Variants in ARHGAP15 observed in about 807,000 individuals in gnomAD.
ARHGAP15 encodes Rho GTPase activating protein 15, also known as rho GTPase-activating protein 15.
In ARHGAP15, 51 loss-of-function variants were observed where a neutral mutation model predicts 63.7. The observed-to-expected ratio is 0.80, with a 90% CI of 0.64 to 1.01. ARHGAP15 has a LOEUF of 1.01. ARHGAP15 is among the 50% of genes least tolerant of loss of function. The pLI is 0.00. For missense variants in ARHGAP15, 560 were observed against 564.6 expected, an observed-to-expected ratio of 0.99 and a Z score of 0.08; for synonymous variants, 191 against 193.8, an observed-to-expected ratio of 0.99 and a Z score of 0.12.
intron 13 of ARHGAP15, among the ~76,000 whole-genome samples, chr2:143,734,896 T>C (rs1378107008): frequency 6.6e-6 from 1 of 152,112 alleles, no homozygotes; most frequent in Non-Finnish European, 1.5e-5. Flanking sequence ...TGGTGGGGGG[T>C]ATTCCTCCTG....
At chr2:143,554,838 G>C (rs781448543) in intron 10 of ARHGAP15, among the ~76,000 whole-genome samples, 1 of 152,054 alleles carries the variant, frequency 6.6e-6, no homozygotes, top group Non-Finnish European at 1.5e-5. Context: ...TAGATTAATG[G>C]AGGTAATTTG....
chr2:143,615,374 A>G (rs147777220), intron 11 of ARHGAP15, among the ~76,000 whole-genome samples: 175 of 152,308 alleles, frequency 1.1e-3, no homozygotes, highest in African/African-American at 3.9e-3. Context: ...ATCCTTTTCA[A>G]TGTTACCATT....
At chr2:143,136,598 C>A (rs1375458029) in intron 1 of ARHGAP15, among the ~76,000 whole-genome samples, 1 of 152,018 alleles carries the variant, frequency 6.6e-6, no homozygotes, top group Non-Finnish European at 1.5e-5. Context: ...GACTCCTGTG[C>A]TGTAATTTGT....
chr2:143,164,662 A>T (rs1049363226), intron 2 of ARHGAP15, among the ~76,000 whole-genome samples: 1 of 152,022 alleles, frequency 6.6e-6, no homozygotes, highest in Non-Finnish European at 1.5e-5. Flanking sequence ...AAATTCAGTT[A>T]CTTGATTTTT....
intron 12 of ARHGAP15, among the ~76,000 whole-genome samples, chr2:143,701,045 ATAT>A (rs1213330137): frequency 1.3e-5 from 2 of 151,960 alleles, no homozygotes; most frequent in Non-Finnish European, 2.9e-5. Flanking sequence ...TGTCCAAGCC[ATAT>A]TATGTTGGAA....
chr2:143,235,855 C>A, intron 5 of ARHGAP15: 5 of 1,412,174 alleles, frequency 3.5e-6, no homozygotes, highest in Non-Finnish European at 4.7e-6. Context: ...GGTACACTTT[C>A]CTATTTTAGT....
At position 143,435,708 on chromosome 2, in the gene ARHGAP15, T is replaced by C. The variant is rs1225460799; in HGVS notation, c.573+9T>C. 6.2e-7 allele frequency: 1 copy of C among 1,602,340 alleles called. No homozygotes were observed. The highest frequency in any genetic ancestry group is 1.1e-5 in the South Asian group (1 of 88,172). On this transcript the variant is annotated intron_variant, in intron 7 of 13. Coordinates refer to ENST00000295095, the MANE Select transcript of ARHGAP15 (RefSeq NM_018460.4). ...ATGCAATTGACAGATTGGTATGTAT[T>C]TGTTTTGGCTGTTACCTTTATTAAT...
At chr2:143,676,260 A>G (rs933633041) in intron 12 of ARHGAP15, 1 of 152,214 alleles carries the variant, frequency 6.6e-6, no homozygotes, top group Non-Finnish European at 1.5e-5. Flanking sequence ...GCCCACTCAA[A>G]TTTTCTTCAT....
At chr2:143,287,673 G>A (rs754763578) in intron 6 of ARHGAP15, among the ~76,000 whole-genome samples, 1 of 152,012 alleles carries the variant, frequency 6.6e-6, no homozygotes, top group African/African-American at 2.4e-5. Context: ...GGGCATAGTG[G>A]TGCACACCTG....
chr2:143,536,891 T>A (rs921928297), intron 10 of ARHGAP15, among the ~76,000 whole-genome samples: 4 of 152,214 alleles, frequency 2.6e-5, no homozygotes, highest in African/African-American at 9.6e-5. Flanking sequence ...ATATACCCAG[T>A]AATGAGATGG....
chr2:143,530,630 TA>T (rs57121831), intron 10 of ARHGAP15, among the ~76,000 whole-genome samples: 126,030 of 152,104 alleles, frequency 0.83, 52,409 homozygotes, highest in African/African-American at 0.87. Context: ...ACCCCCTAGG[TA>T]ATCTTTCACC....
intron 8 of ARHGAP15, among the ~76,000 whole-genome samples, chr2:143,467,265 T>G (rs201808361): frequency 3.4e-4 from 45 of 131,048 alleles, no homozygotes; most frequent in Non-Finnish European, 7.0e-4. Flanking sequence ...TTTTTTTTTT[T>G]GCAGTCTTTT....
chr2:143,237,791 C>T (rs1693711806), intron 5 of ARHGAP15: 1 of 151,932 alleles, frequency 6.6e-6, no homozygotes, highest in African/African-American at 2.4e-5. Flanking sequence ...GAATATTTTC[C>T]CCCTAAAATG....
chr2:143,661,664 G>A lies in ARHGAP15; in HGVS notation c.1138+37397G>A, dbSNP rs528905970. ...TTTCTGCATTTCCATCTGAGGTACCGGGTTCATCTCACTAGGGAGTGCCAG... is the reference window on the plus strand; with the variant it reads ...TTTCTGCATTTCCATCTGAGGTACCAGGTTCATCTCACTAGGGAGTGCCAG... On this transcript the variant is annotated intron_variant, in intron 12 of 13. Coordinates refer to ENST00000295095, the MANE Select transcript of ARHGAP15 (RefSeq NM_018460.4). Among the ~76,000 whole-genome samples, 230 of 152,270 alleles carry A rather than the reference G, an allele frequency of 1.5e-3. 1 individual carries two copies. The highest frequency in any genetic ancestry group is 6.8e-3 in the Middle Eastern group (2 of 294).
intron 12 of ARHGAP15, among the ~76,000 whole-genome samples, chr2:143,649,452 T>C (rs968491669): frequency 2.6e-5 from 4 of 151,800 alleles, no homozygotes; most frequent in Admixed American, 6.6e-5. Flanking sequence ...ATTATAAACA[T>C]TTTTTTTAGT....
Position 143,475,644 on chromosome 2 carries a change from C to A in ARHGAP15, c.704-11729C>A, listed in dbSNP as rs950804257. Reference sequence around the variant, plus strand: ...GGCCCCAGGCCAGGAACCTGTCTTACAGCTGGGGAATGTGGGGGTAAGAAG... The same window carrying A: ...GGCCCCAGGCCAGGAACCTGTCTTAAAGCTGGGGAATGTGGGGGTAAGAAG... On this transcript the variant is annotated intron_variant, in intron 8 of 13. Coordinates refer to ENST00000295095, the MANE Select transcript of ARHGAP15 (RefSeq NM_018460.4). 2.6e-5 allele frequency among the ~76,000 whole-genome samples: 4 copies of A among 152,208 alleles called. No individual in the cohort carries two copies. In the South Asian group the frequency reaches 8.3e-4, roughly 31 times the overall value.
chr2:143,439,221 AAGACCAT>A (rs533081625), intron 8 of ARHGAP15, among the ~76,000 whole-genome samples: 8,780 of 151,702 alleles, frequency 0.058, 327 homozygotes, highest in East Asian at 0.14. Flanking sequence ...TCAGGAGTTC[AAGACCAT>A]CCTGGCCAAC....
chr2:143,291,068 A>G (rs1682373884), intron 6 of ARHGAP15, among the ~76,000 whole-genome samples: 1 of 152,160 alleles, frequency 6.6e-6, no homozygotes, highest in Non-Finnish European at 1.5e-5. Context: ...GCTGATCACA[A>G]CAGAATGCCC....
At chr2:143,357,714 AGATT>A (rs1462428879) in intron 6 of ARHGAP15, among the ~76,000 whole-genome samples, 2 of 152,352 alleles carry the variant, frequency 1.3e-5, no homozygotes, top group African/African-American at 4.8e-5. Flanking sequence ...AATTAATAAT[AGATT>A]AATACATGAA....
Sources: allele counts gnomAD v4.1 joint callset (sites outside exome capture counted in the v4.1 genomes callset), GRCh38; gene constraint gnomAD v4.1.1; transcripts MANE v1.5; gene names NCBI Gene and HGNC (gene_info 2026-07-23, HGNC 2026-07-21).